TNR: variants seen among roughly 807,000 people sequenced by gnomAD.
TNR encodes the protein tenascin R.
In TNR, 45 loss-of-function variants were observed where a neutral mutation model predicts 150.4. The observed-to-expected ratio is 0.30, with a 90% CI of 0.24 to 0.38. TNR has a LOEUF of 0.38. Ranked by LOEUF, TNR falls within the 10% of genes least tolerant of loss-of-function variation. The pLI, the probability that TNR is intolerant of heterozygous loss-of-function variation, is 1.00. For missense variants in TNR, 1,544 were observed against 1,759.1 expected (o/e 0.88, Z 2.19); for synonymous variants, 687 against 678.4 (o/e 1.01, Z -0.20).
At chr1:175,720,866 C>T (rs1255326993) in intron 1 of TNR, among the ~76,000 whole-genome samples, 2 of 152,170 alleles carry the variant, frequency 1.3e-5, no homozygotes, top group Non-Finnish European at 2.9e-5. Flanking sequence ...ACCACACTAG[C>T]GCTCTAAGGA....
chr1:175,520,211 A>G (rs778314411), intron 2 of TNR, among the ~76,000 whole-genome samples: 16 of 152,210 alleles, frequency 1.1e-4, no homozygotes, highest in Admixed American at 2.0e-4. Context: ...ACTGAGCTCT[A>G]AAGTCCTAGG....
At position 175,406,505 on chromosome 1, in the gene TNR, G is replaced by A. The variant is rs1479641674; in HGVS notation, c.210C>T (p.Asn70=). ...AGAGGTTGTCCAAGGGCACGTTAATGTTGTACACGTGGTTGAAGACCACAG... is the reference window on the plus strand; with the variant it reads ...AGAGGTTGTCCAAGGGCACGTTAATATTGTACACGTGGTTGAAGACCACAG... ...EQPVVFNHVY[N]INVPLDNLCS... is the part of the protein sequence containing the mutation. The change falls in exon 3 of 23, where the codon AAC becomes AAT. Residue 70 remains asparagine, a synonymous_variant. Coordinates refer to ENST00000367674, the MANE Select transcript of TNR (RefSeq NM_003285.3). 6.2e-7 allele frequency: 1 copy of A among 1,614,058 alleles called. No homozygotes were observed. Among genetic ancestry groups the A allele is most frequent in the East Asian group, 2.2e-5 (1 of 44,892 alleles).
intron 1 of TNR, among the ~76,000 whole-genome samples, chr1:175,729,414 C>CCT (rs10655316): frequency 0.22 from 32,910 of 148,892 alleles, 3,875 homozygotes; most frequent in African/African-American, 0.33. Flanking sequence ...TGGTGTAAGG[C>CCT]CTCTCTCTCT....
intron 2 of TNR, among the ~76,000 whole-genome samples, chr1:175,495,206 A>G (rs1305249933): frequency 2.0e-5 from 3 of 152,226 alleles, no homozygotes; most frequent in African/African-American, 7.2e-5. Flanking sequence ...GAAGATAGAC[A>G]GATACATCAT....
intron 2 of TNR, among the ~76,000 whole-genome samples, chr1:175,434,218 C>T (rs1297153043): frequency 6.6e-6 from 1 of 152,130 alleles, no homozygotes; most frequent in African/African-American, 2.4e-5. Context: ...AGGCGTGAGG[C>T]AGAGCACTGG....
chr1:175,538,601 G>A (rs1660382152), intron 1 of TNR, among the ~76,000 whole-genome samples: 1 of 152,238 alleles, frequency 6.6e-6, no homozygotes, highest in Admixed American at 6.5e-5. Flanking sequence ...TGATTACCAT[G>A]TGGGGTGAGT....
At chr1:175,363,919 T>C in intron 12 of TNR, 92 bp from the exon 13 acceptor site, 1 of 1,469,242 alleles carries the variant, frequency 6.8e-7, no homozygotes, top group East Asian at 2.4e-5. Flanking sequence ...CAAAAGCCAA[T>C]GTTGTCCCAA....
intron 21 of TNR, among the ~76,000 whole-genome samples, chr1:175,328,338 G>T (rs920975028): frequency 5.3e-5 from 8 of 152,186 alleles, no homozygotes; most frequent in African/African-American, 1.9e-4. Flanking sequence ...GCATCCTAGA[G>T]ATTTGAATGT....
intron 2 of TNR, among the ~76,000 whole-genome samples, chr1:175,499,424 C>T (rs977681301): frequency 6.6e-6 from 1 of 152,206 alleles, no homozygotes; most frequent in African/African-American, 2.4e-5. Context: ...CTTCTCCCTG[C>T]TCCTTGGCCC....
chr1:175,653,402 T>C (rs1272515121), intron 1 of TNR, among the ~76,000 whole-genome samples: 2 of 152,188 alleles, frequency 1.3e-5, no homozygotes, highest in African/African-American at 2.4e-5. Context: ...TGAAGTATAT[T>C]GCACCATATC....
intron 2 of TNR, among the ~76,000 whole-genome samples, chr1:175,415,550 C>A (rs1476490142): frequency 6.6e-6 from 1 of 152,232 alleles, no homozygotes; most frequent in African/African-American, 2.4e-5. Flanking sequence ...ATGTGGGAAT[C>A]TGCAGGAAGG....
intron 1 of TNR, among the ~76,000 whole-genome samples, chr1:175,568,052 G>C (rs1207456757): frequency 1.3e-5 from 2 of 152,092 alleles, no homozygotes; most frequent in African/African-American, 4.8e-5. Context: ...ATATTTTCAA[G>C]TTTCTTGTTT....
At chr1:175,725,766 A>G (rs1326910995) in intron 1 of TNR, among the ~76,000 whole-genome samples, 1 of 152,212 alleles carries the variant, frequency 6.6e-6, no homozygotes, top group African/African-American at 2.4e-5. Context: ...GGTAAAGTCA[A>G]CAGAACTTGG....
intron 2 of TNR, among the ~76,000 whole-genome samples, chr1:175,452,684 T>C (rs978591177): frequency 2.0e-5 from 3 of 152,202 alleles, no homozygotes; most frequent in African/African-American, 7.2e-5. Context: ...TTGTGAAGTT[T>C]GGAAGAACTG....
At chr1:175,522,169 C>G (rs1489175307) in intron 2 of TNR, among the ~76,000 whole-genome samples, 1 of 152,184 alleles carries the variant, frequency 6.6e-6, no homozygotes, top group East Asian at 1.9e-4. Flanking sequence ...GCACTCGAAG[C>G]CACTGCTTAA....
chr1:175,725,869 T>C (rs1238331311), intron 1 of TNR, among the ~76,000 whole-genome samples: 1 of 152,230 alleles, frequency 6.6e-6, no homozygotes, highest in Non-Finnish European at 1.5e-5. Context: ...GGACAGTTCC[T>C]GAAGCCTGGT....
intron 2 of TNR, among the ~76,000 whole-genome samples, chr1:175,418,968 T>C (rs1379904856): frequency 2.0e-5 from 3 of 152,218 alleles, no homozygotes; most frequent in Admixed American, 6.5e-5. Context: ...TGTCTGCAGT[T>C]GCAATTGGCC....
At chr1:175,403,011 A>T (rs1036880599) in intron 4 of TNR, 129 bp downstream of exon 4, 3 of 792,102 alleles carry the variant, frequency 3.8e-6, no homozygotes, top group Non-Finnish European at 6.3e-6. Flanking sequence ...AAATGAGTAC[A>T]ACTCAATTGA....
rs763823346 is a variant in TNR, at chr1:175,403,075, T to C, written c.976+65A>G. ...CACTCATCTTTCTTCCCAAGCTAACTGGAGGCATCCAGCTAGTTTGCTGGA... is the reference window on the plus strand; with the variant it reads ...CACTCATCTTTCTTCCCAAGCTAACCGGAGGCATCCAGCTAGTTTGCTGGA... On this transcript the variant is annotated intron_variant, in intron 4 of 22. Coordinates refer to ENST00000367674, the MANE Select transcript of TNR (RefSeq NM_003285.3). 1,402 of 1,353,698 alleles carry C rather than the reference T, an allele frequency of 1.0e-3. 4 individuals carry two copies. Among genetic ancestry groups the C allele is most frequent in the Non-Finnish European group, 1.1e-3 (1,037 of 967,380 alleles). 83.9% of individuals were successfully genotyped at this position (1,353,698 alleles called of 1,614,324 possible). A position where few individuals can be genotyped will look rare whatever the true frequency, so the allele number is the denominator to read the frequency against.
Sources: gnomAD v4.1 joint callset for allele counts (sites outside exome capture counted in the v4.1 genomes callset) on GRCh38, gnomAD v4.1.1 for gene constraint, MANE v1.5 for transcripts, NCBI Gene and HGNC (gene_info 2026-07-23, HGNC 2026-07-21) for gene names.